CBLB: variants seen among roughly 807,000 people sequenced by gnomAD.
CBLB encodes the protein E3 ubiquitin-protein ligase CBL-B.
A neutral mutation model predicts 104.9 loss-of-function variants in CBLB; 31 were observed. The ratio of observed to expected loss-of-function variants is 0.30; its 90% CI spans 0.22 to 0.40. The LOEUF (loss-of-function observed/expected upper bound fraction) is 0.40, where lower values mean the gene tolerates loss of function less well. Among genes scored for constraint, CBLB ranks in the 10% least tolerant of loss-of-function variants. CBLB has a pLI of 1.00. For missense variants in CBLB, 1,062 were observed against 1,214.6 expected (o/e 0.87, Z 1.87); for synonymous variants, 440 against 422.6 (o/e 1.04, Z -0.51).
chr3:105,855,160 T>G (rs1393774883), intron 2 of CBLB, among the ~76,000 whole-genome samples: 1 of 152,170 alleles, frequency 6.6e-6, no homozygotes, highest in Non-Finnish European at 1.5e-5. Flanking sequence ...AAGAATATAC[T>G]ATTAATATAT....
At chr3:105,801,417 A>C (rs1187604473) in intron 3 of CBLB, among the ~76,000 whole-genome samples, 1 of 152,234 alleles carries the variant, frequency 6.6e-6, no homozygotes, top group Non-Finnish European at 1.5e-5. Flanking sequence ...TAGCTACTTT[A>C]AGTATAAGGA....
intron 2 of CBLB, among the ~76,000 whole-genome samples, chr3:105,859,629 C>T (rs2091926722): frequency 1.4e-5 from 2 of 144,874 alleles, no homozygotes; most frequent in Non-Finnish European, 3.0e-5. Flanking sequence ...CACTCCAGCA[C>T]TCCAACCTGG....
Position 105,702,119 on chromosome 3 carries a change from T to C in CBLB, c.1934A>G (p.His645Arg), listed in dbSNP as rs41311396. 1,039 of 1,614,186 alleles carry C rather than the reference T, an allele frequency of 6.4e-4. 1 individual carries two copies. Among genetic ancestry groups the C allele is most frequent in the Middle Eastern group, 5.0e-4 (3 of 6,060 alleles). The part of the protein sequence containing the change: ...DPVLMRKHRR[H>R]DLPLEGAKVF... Reference sequence around the variant, plus strand: ...CTTAGCTCCTTCTAAAGGCAAATCATGGCGTCTGTGTTTCCGCATAAGCAC... The same window carrying C: ...CTTAGCTCCTTCTAAAGGCAAATCACGGCGTCTGTGTTTCCGCATAAGCAC... The change falls in exon 12 of 19, where the codon CAT becomes CGT. Residue 645 changes from histidine to arginine, a missense_variant. His to Arg is a conservative substitution (Grantham distance 29, BLOSUM62 0). Coordinates refer to ENST00000394030, the MANE Select transcript of CBLB (RefSeq NM_170662.5).
Position 105,842,865 on chromosome 3 carries a change from C to T in CBLB, c.419+10549G>A, listed in dbSNP as rs568073695. On this transcript the variant is annotated intron_variant, in intron 3 of 18. Transcript: ENST00000394030. ...TTGTTACTTTTAGCCAACTTATATA[C>T]TCAGTCTGTGTTGATGAAACTTACA... 5.3e-5 allele frequency among the ~76,000 whole-genome samples: 8 copies of T among 152,294 alleles called. No individual in the cohort carries two copies. In the East Asian group the frequency reaches 1.5e-3, roughly 29 times the overall value.
intron 12 of CBLB, among the ~76,000 whole-genome samples, chr3:105,699,405 T>A (rs2068795857): frequency 6.6e-6 from 1 of 152,180 alleles, no homozygotes; most frequent in South Asian, 2.1e-4. Context: ...GGTATTATTA[T>A]TATTCCATTT....
Position 105,760,503 on chromosome 3 carries a change from G to A in CBLB, c.567-8885C>T, listed in dbSNP as rs3772518. 2.9e-3 allele frequency among the ~76,000 whole-genome samples: 445 copies of A among 152,116 alleles called. 10 individuals are homozygous for A. The East Asian group carries it at 0.076, about 26-fold the overall frequency. The stretch of plus-strand genomic sequence containing the variant: ...TTATGCAAGATACCTTTGATATGCT[G>A]AAATCAGATTAAATAAAATAAAAAA... On this transcript the variant is annotated intron_variant, in intron 4 of 18. Transcript: ENST00000394030.
intron 9 of CBLB, among the ~76,000 whole-genome samples, chr3:105,733,356 CAA>C (rs1171217619): frequency 3.0e-4 from 21 of 70,942 alleles, no homozygotes; most frequent in East Asian, 3.7e-4. Flanking sequence ...GACTCTGTCT[CAA>C]AAAAAAAAAA....
rs78948500 is a variant in CBLB at position 105,863,011 on chromosome 3, T to C, written c.168+4399A>G. 8.6e-3 allele frequency among the ~76,000 whole-genome samples: 1,303 copies of C among 152,314 alleles called. 17 individuals are homozygous for C. Among genetic ancestry groups the C allele is most frequent in the African/African-American group, 0.029 (1,197 of 41,552 alleles). On this transcript the variant is annotated intron_variant, in intron 2 of 18. Transcript: ENST00000394030. ...CTATTTGGAAATGTCTGTCTTTCCA[T>C]AGTTGAGATTTGATAAATGAATGAT... is the stretch of plus-strand genomic sequence containing the variant.
intron 3 of CBLB, among the ~76,000 whole-genome samples, chr3:105,786,551 A>G (rs574790600): frequency 1.9e-4 from 29 of 152,300 alleles, no homozygotes; most frequent in Admixed American, 4.6e-4. Context: ...CTTCCCCCAT[A>G]GTACATTCAC....
chr3:105,784,829 T>C (rs1229686957), intron 3 of CBLB, among the ~76,000 whole-genome samples: 2 of 152,214 alleles, frequency 1.3e-5, no homozygotes, highest in South Asian at 2.1e-4. Flanking sequence ...GTATTTCTAG[T>C]GTCCTTTCCA....
chr3:105,838,249 ATTTTTTTT>A (rs55769611), intron 3 of CBLB, among the ~76,000 whole-genome samples: 2 of 55,974 alleles, frequency 3.6e-5, no homozygotes, highest in Non-Finnish European at 6.2e-5. Context: ...ACACCTGGCT[ATTTTTTTT>A]TTTTTTTTTT....
chr3:105,837,159 A>G (rs2088656254), intron 3 of CBLB, among the ~76,000 whole-genome samples: 1 of 152,224 alleles, frequency 6.6e-6, no homozygotes, highest in Admixed American at 6.5e-5. Context: ...CAAGGACACA[A>G]GACAATTCCC....
chr3:105,690,424 T>C (rs141392324), intron 13 of CBLB, among the ~76,000 whole-genome samples: 40 of 152,268 alleles, frequency 2.6e-4, no homozygotes, highest in African/African-American at 8.9e-4. Context: ...ACACACTGTA[T>C]AGAACCTAAA....
rs531672062 is a variant in CBLB at position 105,868,166 on chromosome 3, C to G, written c.-15+570G>C. The G allele has an allele frequency of 4.1e-6, 5 of 1,215,908 alleles. 1 individual carries two copies. In the African/African-American group the frequency reaches 7.8e-5, roughly 19 times the overall value. 75.3% of individuals were successfully genotyped at this position (1,215,908 alleles called of 1,614,324 possible). A position where few individuals can be genotyped will look rare whatever the true frequency, so the allele number is the denominator to read the frequency against. On this transcript the variant is annotated intron_variant, in intron 1 of 18. Coordinates refer to ENST00000394030, the MANE Select transcript of CBLB (RefSeq NM_170662.5). ...AAACCACCAAGTACGGACACACGAA[C>G]ACCTTTCTTTAAATCAACGCGGTGA...
chr3:105,797,710 G>A (rs1357767045), intron 3 of CBLB, among the ~76,000 whole-genome samples: 1 of 152,166 alleles, frequency 6.6e-6, no homozygotes, highest in African/African-American at 2.4e-5. Flanking sequence ...AATTTCTGAT[G>A]GCATGTACAA....
intron 3 of CBLB, among the ~76,000 whole-genome samples, chr3:105,838,083 C>CTTTTTTTTT (rs11294272): frequency 8.6e-6 from 1 of 116,348 alleles, no homozygotes; most frequent in East Asian, 2.3e-4. Flanking sequence ...TCCTTTTTTT[C>CTTTTTTTTT]TTTTTTTTTT....
intron 3 of CBLB, among the ~76,000 whole-genome samples, chr3:105,818,665 T>C (rs965475356): frequency 6.6e-6 from 1 of 152,150 alleles, no homozygotes; most frequent in Non-Finnish European, 1.5e-5. Context: ...CTAATGCAAA[T>C]GCTGTTTACG....
intron 10 of CBLB, among the ~76,000 whole-genome samples, chr3:105,713,836 A>AT (rs1278993561): frequency 6.6e-5 from 10 of 152,170 alleles, no homozygotes; most frequent in African/African-American, 2.4e-4. Flanking sequence ...TATTAGTACT[A>AT]TGGTCAGAAT....
At chr3:105,773,068 GA>G (rs2079041390) in intron 4 of CBLB, among the ~76,000 whole-genome samples, 1 of 152,112 alleles carries the variant, frequency 6.6e-6, no homozygotes, top group Non-Finnish European at 1.5e-5. Context: ...GTCATTATAT[GA>G]AAAAGACACA....
Sources: allele counts gnomAD v4.1 joint callset (sites outside exome capture counted in the v4.1 genomes callset), GRCh38; gene constraint gnomAD v4.1.1; transcripts MANE v1.5; gene names NCBI Gene and HGNC (gene_info 2026-07-23, HGNC 2026-07-21).